Variants in FNDC3B observed in about 807,000 individuals in gnomAD.
FNDC3B encodes the protein fibronectin type III domain containing 3B, also known as fibronectin type III domain-containing protein 3B.
Under a neutral mutation model 151.5 loss-of-function variants are expected in FNDC3B, and 12 were observed. The observed-to-expected ratio is 0.08, with a 90% CI of 0.05 to 0.13. The LOEUF is 0.13. FNDC3B is among the 10% of genes least tolerant of loss of function. The pLI, the probability that FNDC3B is intolerant of heterozygous loss-of-function variation, is 1.00. For missense variants in FNDC3B, 1,214 were observed against 1,505.3 expected, an observed-to-expected ratio of 0.81 and a Z score of 3.20; for synonymous variants, 528 against 549.0, an observed-to-expected ratio of 0.96 and a Z score of 0.54.
chr3:172,174,650 AATCGACCTC>A (rs1364886011), intron 3 of FNDC3B, among the ~76,000 whole-genome samples: 2 of 152,170 alleles, frequency 1.3e-5, no homozygotes, highest in Admixed American at 1.3e-4. Context: ...TGAGAAGTGG[AATCGACCTC>A]ATCAAGACAA....
At position 172,397,955 on chromosome 3, in the gene FNDC3B, A is replaced by G. The variant is rs1736379193; in HGVS notation, c.*480A>G. The G allele has an allele frequency of 6.6e-6, 1 of 152,544 alleles. No individual in the cohort carries two copies. The highest frequency in any genetic ancestry group is 6.5e-5 in the Admixed American group (1 of 15,292). The allele number at this position is 152,544 out of a possible 1,614,324, so 9.4% of individuals were successfully genotyped here. Reference sequence around the variant, plus strand: ...TATTACCACACAGCAACAGCAACATACAGAAGATATGTTCACTCAGATAAG... The same window carrying G: ...TATTACCACACAGCAACAGCAACATGCAGAAGATATGTTCACTCAGATAAG... On this transcript the variant is annotated 3_prime_UTR_variant, in exon 26 of 26. Transcript: ENST00000415807.
At chr3:172,232,717 T>G (rs1409087156) in intron 4 of FNDC3B, among the ~76,000 whole-genome samples, 1 of 152,148 alleles carries the variant, frequency 6.6e-6, no homozygotes, top group African/African-American at 2.4e-5. Context: ...CTCCATTATG[T>G]AAAAGCACTT....
At chr3:172,275,061 A>G (rs1190074690) in intron 6 of FNDC3B, among the ~76,000 whole-genome samples, 4 of 151,954 alleles carry the variant, frequency 2.6e-5, no homozygotes, top group Admixed American at 2.6e-4. Flanking sequence ...TTAGTCCATG[A>G]CCTAAATGGC....
At chr3:172,111,135 T>C (rs971936278) in intron 1 of FNDC3B, among the ~76,000 whole-genome samples, 5 of 151,074 alleles carry the variant, frequency 3.3e-5, no homozygotes, top group South Asian at 2.1e-4. Flanking sequence ...CTGTGTAATG[T>C]CATCAATTTG....
intron 4 of FNDC3B, 142 bp downstream of exon 4, chr3:172,227,089 A>G (rs946229434): frequency 2.6e-5 from 16 of 612,646 alleles, no homozygotes; most frequent in Admixed American, 1.8e-4. Context: ...GTGGCACCAC[A>G]TGGCGTTTCT....
At chr3:172,368,032 C>T (rs991083524) in intron 23 of FNDC3B, among the ~76,000 whole-genome samples, 16 of 152,068 alleles carry the variant, frequency 1.1e-4, no homozygotes, top group African/African-American at 3.9e-4. Flanking sequence ...ATATAGAAAC[C>T]CTGAAAGAAT....
rs1035594027 is a variant in FNDC3B, at chr3:172,250,143, T to G, written c.509-1117T>G. Among the ~76,000 whole-genome samples, 3 of 152,296 alleles carry G rather than the reference T, an allele frequency of 2.0e-5. No homozygotes were observed. In the East Asian group the frequency reaches 5.8e-4, roughly 29 times the overall value. On this transcript the variant is annotated intron_variant, in intron 5 of 25. Transcript: ENST00000415807. ...AATAATTTTGAACTGATTTAAAAAT[T>G]TAAATTTAACATAAAGTTTTCCCCT...
intron 6 of FNDC3B, among the ~76,000 whole-genome samples, chr3:172,281,990 G>A (rs939445663): frequency 6.6e-6 from 1 of 152,110 alleles, no homozygotes; most frequent in African/African-American, 2.4e-5. Flanking sequence ...GTACAGCTGG[G>A]CTCTGAAACT....
At chr3:172,336,938 A>G (rs1177911554) in intron 15 of FNDC3B, among the ~76,000 whole-genome samples, 2 of 151,934 alleles carry the variant, frequency 1.3e-5, no homozygotes, top group Non-Finnish European at 2.9e-5. Flanking sequence ...GAATCTAGTC[A>G]CTGATAAAAT....
chr3:172,224,606 G>A (rs1306090834), intron 3 of FNDC3B, among the ~76,000 whole-genome samples: 1 of 152,090 alleles, frequency 6.6e-6, no homozygotes, highest in African/African-American at 2.4e-5. Flanking sequence ...CCCCTGCTGA[G>A]TCCTCTCCTG....
At chr3:172,157,212 G>A (rs541198810) in intron 3 of FNDC3B, among the ~76,000 whole-genome samples, 1 of 152,170 alleles carries the variant, frequency 6.6e-6, no homozygotes. Context: ...CAAAGGTCCA[G>A]ATAGGCCAAC....
chr3:172,393,827 G>A (rs914449310), intron 25 of FNDC3B, among the ~76,000 whole-genome samples: 3 of 151,984 alleles, frequency 2.0e-5, no homozygotes, highest in Non-Finnish European at 4.4e-5. Context: ...TATGGGATAC[G>A]GCCAGGCACA....
At chr3:172,348,641 A>G (rs765586192) in intron 21 of FNDC3B, among the ~76,000 whole-genome samples, 1 of 152,194 alleles carries the variant, frequency 6.6e-6, no homozygotes, top group Non-Finnish European at 1.5e-5. Context: ...AAATGTTATT[A>G]TATCTCCTTC....
At chr3:172,074,352 A>G (rs1458689536) in intron 1 of FNDC3B, among the ~76,000 whole-genome samples, 1 of 152,228 alleles carries the variant, frequency 6.6e-6, no homozygotes, top group East Asian at 1.9e-4. Context: ...ACATCAAATC[A>G]GCCTGTACAC....
chr3:172,162,271 G>A (rs1236157108), intron 3 of FNDC3B, among the ~76,000 whole-genome samples: 3 of 152,118 alleles, frequency 2.0e-5, no homozygotes, highest in East Asian at 1.9e-4. Context: ...GAGCCACCGC[G>A]CCCGGCCTCT....
At chr3:172,379,845 A>T (rs1024671661) in intron 24 of FNDC3B, among the ~76,000 whole-genome samples, 1 of 152,182 alleles carries the variant, frequency 6.6e-6, no homozygotes, top group African/African-American at 2.4e-5. Flanking sequence ...TTTTACAAAA[A>T]ATACAATGGC....
chr3:172,334,372 G>A (rs979348696), intron 14 of FNDC3B, among the ~76,000 whole-genome samples: 5 of 139,580 alleles, frequency 3.6e-5, no homozygotes, highest in Non-Finnish European at 7.5e-5. Flanking sequence ...ACCAGGTGAT[G>A]ACATACTTGT....
chr3:172,217,250 G>T (rs1300351703), intron 3 of FNDC3B, among the ~76,000 whole-genome samples: 1 of 152,214 alleles, frequency 6.6e-6, no homozygotes, highest in Non-Finnish European at 1.5e-5. Flanking sequence ...TTACAAGCCT[G>T]TCTCCTGGTA....
intron 1 of FNDC3B, among the ~76,000 whole-genome samples, chr3:172,044,643 C>G (rs1716275925): frequency 6.6e-6 from 1 of 152,140 alleles, no homozygotes. Flanking sequence ...CCATTCCTGA[C>G]CATTGGGACC....
Sources: allele counts gnomAD v4.1 joint callset (sites outside exome capture counted in the v4.1 genomes callset), GRCh38; gene constraint gnomAD v4.1.1; transcripts MANE v1.5; gene names NCBI Gene and HGNC (gene_info 2026-07-23, HGNC 2026-07-21).